The following GAD2 variants were observed in gnomAD, a reference collection of about 807,000 sequenced individuals.
GAD2 encodes the protein glutamate decarboxylase 2.
GAD2 carries 22 observed loss-of-function variants against 80.1 expected under a neutral mutation model. The ratio of observed to expected loss-of-function variants is 0.27; its 90% CI spans 0.20 to 0.39. The LOEUF (loss-of-function observed/expected upper bound fraction) is 0.39. Among genes scored for constraint, GAD2 ranks in the 10% least tolerant of loss-of-function variants. The probability of loss-of-function intolerance (pLI) is 1.00; values close to 1 mark genes in which losing one functional copy is unlikely to be tolerated. For missense variants in GAD2, 624 were observed against 738.4 expected (o/e 0.85, Z 1.80); for synonymous variants, 274 against 256.9 (o/e 1.07, Z -0.64).
At chr10:26,299,131 A>G (rs1255733045) in intron 15 of GAD2, among the ~76,000 whole-genome samples, 1 of 152,234 alleles carries the variant, frequency 6.6e-6, no homozygotes, top group Non-Finnish European at 1.5e-5. Context: ...TGAGAAGTGA[A>G]GGTGAAGTCT....
chr10:26,303,947 A>T lies in GAD2; in HGVS notation c.*2986A>T, dbSNP rs549191920. On this transcript the variant is annotated 3_prime_UTR_variant, in exon 16 of 16. Coordinates refer to ENST00000376261, the MANE Select transcript of GAD2 (RefSeq NM_001134366.2). ...TGTGTGGTAGCTGTATTGAACTTTG[A>T]TATTATGAAAACTACATTTGCATCT... 6.6e-6 allele frequency: 1 copy of T among 151,704 alleles called. No homozygotes were observed. Among genetic ancestry groups the T allele is most frequent in the African/African-American group, 2.4e-5 (1 of 41,260 alleles). 9.4% of individuals were successfully genotyped at this position (151,704 alleles called of 1,614,324 possible).
At chr10:26,224,740 T>A in intron 6 of GAD2, 89 bp downstream of exon 6, 5 of 904,812 alleles carry the variant, frequency 5.5e-6, no homozygotes, top group South Asian at 1.4e-5. Flanking sequence ...ATCTAGCCTA[T>A]GCCTCTGCTT....
At chr10:26,286,705 A>G (rs1016764599) in intron 13 of GAD2, among the ~76,000 whole-genome samples, 1 of 152,208 alleles carries the variant, frequency 6.6e-6, no homozygotes, top group Admixed American at 6.5e-5. Context: ...AATTGATTCA[A>G]ATGCTCACTC....
At chr10:26,276,659 A>G (rs1342744484) in intron 11 of GAD2, among the ~76,000 whole-genome samples, 1 of 152,134 alleles carries the variant, frequency 6.6e-6, no homozygotes, top group Non-Finnish European at 1.5e-5. Flanking sequence ...AAATGCTAGT[A>G]TTACAGGCGT....
intron 7 of GAD2, among the ~76,000 whole-genome samples, chr10:26,242,635 G>GT (rs1194206088): frequency 6.6e-6 from 1 of 152,068 alleles, no homozygotes; most frequent in Non-Finnish European, 1.5e-5. Flanking sequence ...CAGACTCGAT[G>GT]TTTGCTACCT....
At chr10:26,251,596 G>A (rs1349011525) in intron 8 of GAD2, among the ~76,000 whole-genome samples, 1 of 152,148 alleles carries the variant, frequency 6.6e-6, no homozygotes, top group African/African-American at 2.4e-5. Flanking sequence ...AATAACCTTT[G>A]TATCCTTCAG....
chr10:26,271,007 A>G (rs980949430), intron 10 of GAD2, among the ~76,000 whole-genome samples: 7 of 152,210 alleles, frequency 4.6e-5, no homozygotes, highest in African/African-American at 1.7e-4. Context: ...TTCTATGATC[A>G]GTACCCAAGC....
At chr10:26,264,892 TC>T (rs1343110063) in intron 8 of GAD2, among the ~76,000 whole-genome samples, 4 of 152,198 alleles carry the variant, frequency 2.6e-5, no homozygotes, top group Non-Finnish European at 5.9e-5. Context: ...GCTGATAGTA[TC>T]TCTAGTTTCA....
chr10:26,249,212 G>A (rs1389069380), intron 8 of GAD2, among the ~76,000 whole-genome samples: 1 of 152,034 alleles, frequency 6.6e-6, no homozygotes. Context: ...ACAGGCACTC[G>A]CAACACGCCT....
At chr10:26,250,877 C>CTTT (rs1181428173) in intron 8 of GAD2, among the ~76,000 whole-genome samples, 56 of 112,948 alleles carry the variant, frequency 5.0e-4, no homozygotes, top group African/African-American at 9.8e-4. Flanking sequence ...GTTTTTTTTC[C>CTTT]TTTTTTTTTT....
chr10:26,251,274 G>A (rs1416456632), intron 8 of GAD2, among the ~76,000 whole-genome samples: 1 of 151,920 alleles, frequency 6.6e-6, no homozygotes, highest in East Asian at 1.9e-4. Context: ...ACACTTAACT[G>A]TATAACATTT....
intron 10 of GAD2, among the ~76,000 whole-genome samples, chr10:26,271,517 A>G (rs1260501713): frequency 6.6e-6 from 1 of 152,232 alleles, no homozygotes; most frequent in Admixed American, 6.5e-5. Flanking sequence ...CCAAACCATC[A>G]TCAGTCACAA....
At position 26,217,698 on chromosome 10, in the gene GAD2, G is replaced by C. The variant is rs760953714; in HGVS notation, c.136+29G>C. 6.2e-7 allele frequency: 1 copy of C among 1,610,496 alleles called. No homozygotes were observed. Among genetic ancestry groups the C allele is most frequent in the South Asian group, 1.1e-5 (1 of 90,464 alleles). On this transcript the variant is annotated intron_variant, in intron 2 of 15. Coordinates refer to ENST00000376261, the MANE Select transcript of GAD2 (RefSeq NM_001134366.2). The surrounding 1 kb of genome is among the most constrained non-coding windows in gnomAD (Gnocchi z 4.9). ...AGTGCCCAGGGACCGGGGCGGCCAA[G>C]GTCGGCCCGCGGGGTCCAAGCAGTC...
At chr10:26,294,626 A>C (rs1259200861) in intron 15 of GAD2, among the ~76,000 whole-genome samples, 1 of 152,170 alleles carries the variant, frequency 6.6e-6, no homozygotes, top group Non-Finnish European at 1.5e-5. Flanking sequence ...TAGAGGAAAA[A>C]ATGGAAGAAA....
At chr10:26,260,913 A>G (rs1391750365) in intron 8 of GAD2, among the ~76,000 whole-genome samples, 4 of 152,204 alleles carry the variant, frequency 2.6e-5, no homozygotes, top group African/African-American at 9.6e-5. Flanking sequence ...TTTGTAGGTC[A>G]TAGTTGGTGT....
chr10:26,271,836 C>T (rs1256029396), intron 10 of GAD2, among the ~76,000 whole-genome samples: 2 of 151,972 alleles, frequency 1.3e-5, no homozygotes, highest in East Asian at 1.9e-4. Flanking sequence ...CTTAGCTCAC[C>T]GCAACCTCCG....
At chr10:26,229,859 T>A in intron 7 of GAD2, 82 bp downstream of exon 7, 2 of 1,002,514 alleles carry the variant, frequency 2.0e-6, no homozygotes, top group Non-Finnish European at 1.5e-6. Flanking sequence ...AAATGCATTA[T>A]CCCCAGAGGC....
At chr10:26,253,607 C>T (rs1354025869) in intron 8 of GAD2, among the ~76,000 whole-genome samples, 1 of 152,142 alleles carries the variant, frequency 6.6e-6, no homozygotes, top group Non-Finnish European at 1.5e-5. Flanking sequence ...ATGGGGAGTT[C>T]CTATATGATG....
intron 11 of GAD2, among the ~76,000 whole-genome samples, chr10:26,276,233 C>T (rs1845200301): frequency 6.6e-6 from 1 of 152,020 alleles, no homozygotes; most frequent in African/African-American, 2.4e-5. Flanking sequence ...CTGGCATCCC[C>T]TTCAAGAACC....
Sources: gnomAD v4.1 joint callset for allele counts (sites outside exome capture counted in the v4.1 genomes callset) on GRCh38, gnomAD v4.1.1 for gene constraint, Gnocchi (gnomAD v3.1) non-coding constraint, MANE v1.5 for transcripts, NCBI Gene and HGNC (gene_info 2026-07-23, HGNC 2026-07-21) for gene names.